Variants in SLAMF8 observed in about 807,000 individuals in gnomAD.
SLAMF8 encodes SLAM family member 8.
Under a neutral mutation model 29.0 loss-of-function variants are expected in SLAMF8, and 23 were observed. The ratio of observed to expected loss-of-function variants is 0.79; its 90% CI spans 0.57 to 1.13. The LOEUF (loss-of-function observed/expected upper bound fraction) is 1.13, where lower values mean the gene tolerates loss of function less well. SLAMF8 is among the 50% of genes most tolerant of loss of function. The pLI is 0.00. For synonymous variants in SLAMF8, 139 were observed against 145.6 expected (o/e 0.96, Z 0.32); for missense variants, 381 against 353.1 (o/e 1.08, Z -0.63).
At position 159,835,524 on chromosome 1, in the gene SLAMF8, T is replaced by C; in HGVS notation, c.*264T>C. 8.1e-7 allele frequency: 1 copy of C among 1,229,744 alleles called. No homozygotes were observed. Among genetic ancestry groups the C allele is most frequent in the Non-Finnish European group, 1.0e-6 (1 of 982,912 alleles). The allele number at this position is 1,229,744 out of a possible 1,614,324, so 76.2% of individuals were successfully genotyped here. Reference sequence around the variant, plus strand: ...AAGATGAGCCAAGCAGAACATTCCATCCAGGACACTGGAAGTTCTCCAGGA... The same window carrying C: ...AAGATGAGCCAAGCAGAACATTCCACCCAGGACACTGGAAGTTCTCCAGGA... On this transcript the variant is annotated 3_prime_UTR_variant, in exon 5 of 5. Coordinates refer to ENST00000289707, the MANE Select transcript of SLAMF8 (RefSeq NM_020125.3).
Position 159,836,861 on chromosome 1 carries a change from A to C in SLAMF8, c.*1601A>C. ...CACTTCTCTCCTATCACCTTCCCCC[A>C]AGATTACCTGAACAGGGTCCATGGC... is the stretch of plus-strand genomic sequence containing the variant. On this transcript the variant is annotated 3_prime_UTR_variant, in exon 5 of 5. Transcript: ENST00000289707. 1 of 985,388 alleles carries C rather than the reference A, an allele frequency of 1.0e-6. No individual in the cohort carries two copies. The allele number at this position is 985,388 out of a possible 1,614,324, so 61.0% of individuals were successfully genotyped here.
chr1:159,829,743 T>A, intron 1 of SLAMF8, 123 bp from the exon 2 acceptor site: 1 of 1,041,174 alleles, frequency 9.6e-7, no homozygotes. Context: ...CAGTGCAACC[T>A]CAACTTGAGT....
chr1:159,830,677 G>GA (rs567150943), intron 2 of SLAMF8, among the ~76,000 whole-genome samples: 2 of 151,124 alleles, frequency 1.3e-5, no homozygotes, highest in Non-Finnish European at 3.0e-5. Flanking sequence ...TAGTCTAAAG[G>GA]AAAAAAAATG....
intron 2 of SLAMF8, among the ~76,000 whole-genome samples, chr1:159,831,892 T>C (rs1465009670): frequency 5.9e-5 from 9 of 152,206 alleles, no homozygotes; most frequent in Non-Finnish European, 1.0e-4. Flanking sequence ...CCCCCTGTAA[T>C]CTTTGTTTAT....
intron 2 of SLAMF8, among the ~76,000 whole-genome samples, chr1:159,831,262 G>A (rs961109508): frequency 6.6e-5 from 10 of 152,150 alleles, no homozygotes; most frequent in African/African-American, 1.9e-4. Flanking sequence ...CTGGGAAGAG[G>A]GTAGCCATGA....
intron 2 of SLAMF8, among the ~76,000 whole-genome samples, chr1:159,832,389 CAT>C (rs1488856636): frequency 6.6e-6 from 1 of 152,184 alleles, no homozygotes; most frequent in African/African-American, 2.4e-5. Context: ...GACTGACTGA[CAT>C]ATTGTGAGAG....
Position 159,836,902 on chromosome 1 carries a change from C to T in SLAMF8, c.*1642C>T. The stretch of plus-strand genomic sequence containing the variant: ...GGTCCATGGCCACTCAACCTGTCAG[C>T]TTGCACCATCCCCACCTGCCACCTA... On this transcript the variant is annotated 3_prime_UTR_variant, in exon 5 of 5. Coordinates refer to ENST00000289707, the MANE Select transcript of SLAMF8 (RefSeq NM_020125.3). The T allele has an allele frequency of 2.0e-6, 2 of 985,572 alleles. No individual in the cohort carries two copies. The highest frequency in any genetic ancestry group is 2.4e-6 in the Non-Finnish European group (2 of 829,982). The allele number at this position is 985,572 out of a possible 1,614,324, so 61.1% of individuals were successfully genotyped here. A position where few individuals can be genotyped will look rare whatever the true frequency, so the allele number is the denominator to read the frequency against.
intron 2 of SLAMF8, among the ~76,000 whole-genome samples, chr1:159,830,969 C>T (rs919875987): frequency 3.3e-5 from 5 of 152,200 alleles, no homozygotes; most frequent in African/African-American, 1.2e-4. Context: ...CAGAGCCATT[C>T]GCGCAGCTAC....
chr1:159,830,239 C>A, intron 2 of SLAMF8, 47 bp downstream of exon 2: 1 of 1,514,770 alleles, frequency 6.6e-7, no homozygotes. Context: ...CCCCACAAAG[C>A]ACCAGACGAG....
At position 159,833,493 on chromosome 1, in the gene SLAMF8, C is replaced by G. The variant is rs1425700883; in HGVS notation, c.781+124C>G. 2.0e-5 allele frequency: 28 copies of G among 1,379,430 alleles called. No individual in the cohort carries two copies. In the Admixed American group the frequency reaches 4.0e-4, roughly 20 times the overall value. 85.4% of individuals were successfully genotyped at this position (1,379,430 alleles called of 1,614,324 possible). ...CCCCTTCCTACCTCTCCCACCTCATCTCTTGGCCTTCTCTAGCTCATATCT... is the reference window on the plus strand; with the variant it reads ...CCCCTTCCTACCTCTCCCACCTCATGTCTTGGCCTTCTCTAGCTCATATCT... On this transcript the variant is annotated intron_variant, in intron 4 of 4. Coordinates refer to ENST00000289707, the MANE Select transcript of SLAMF8 (RefSeq NM_020125.3).
In SLAMF8 at chr1:159,835,360, A is replaced by G. The variant is rs1647843599; in HGVS notation, c.*100A>G. 6.7e-7 allele frequency: 1 copy of G among 1,482,466 alleles called. No homozygotes were observed. The highest frequency in any genetic ancestry group is 8.9e-7 in the Non-Finnish European group (1 of 1,118,476). The allele number at this position is 1,482,466 out of a possible 1,614,324, so 91.8% of individuals were successfully genotyped here. A position where few individuals can be genotyped will look rare whatever the true frequency, so the allele number is the denominator to read the frequency against. ...GTGCCTGGAAATCACCATGGTCCTCATATCTCCCATGGGAATCCTGTCCTG... is the reference window on the plus strand; with the variant it reads ...GTGCCTGGAAATCACCATGGTCCTCGTATCTCCCATGGGAATCCTGTCCTG... On this transcript the variant is annotated 3_prime_UTR_variant, in exon 5 of 5. Transcript: ENST00000289707.
chr1:159,833,124 C>A lies in SLAMF8; in HGVS notation c.616C>A (p.Pro206Thr), dbSNP rs926582049. ...DVAYSCIVSN[P>T]VSWDLATVTP... The stretch of plus-strand genomic sequence containing the variant: ...GGCCTATTCCTGCATTGTCTCCAAC[C>A]CTGTCAGCTGGGACTTGGCCACAGT... Residue 206 changes from proline (P) to threonine (T), a missense_variant, in exon 3 of 5, where the codon CCT becomes ACT. By Grantham distance (38) the Pro-to-Thr change is conservative. Coordinates refer to ENST00000289707, the MANE Select transcript of SLAMF8 (RefSeq NM_020125.3). The A allele has an allele frequency of 1.2e-6, 2 of 1,614,198 alleles. No homozygotes were observed. Among genetic ancestry groups the A allele is most frequent in the Admixed American group, 1.7e-5 (1 of 60,028 alleles).
intron 1 of SLAMF8, 31 bp from the exon 2 acceptor site, chr1:159,829,835 G>C (rs766210682): frequency 6.4e-7 from 1 of 1,566,860 alleles, no homozygotes; most frequent in Non-Finnish European, 8.7e-7. Context: ...GTGTGGGGCA[G>C]GCAGAGTGAC....
intron 1 of SLAMF8, among the ~76,000 whole-genome samples, chr1:159,828,941 T>A (rs1269060820): frequency 1.3e-5 from 2 of 152,136 alleles, no homozygotes; most frequent in East Asian, 3.9e-4. Context: ...TGTCTGTTTC[T>A]CCTCCTGTTC....
chr1:159,832,772 C>T, intron 2 of SLAMF8, 104 bp from the exon 3 acceptor site: 5 of 1,294,940 alleles, frequency 3.9e-6, no homozygotes, highest in South Asian at 1.4e-5. Flanking sequence ...ACAAGAGAGG[C>T]CTAGCCAGAG....
In SLAMF8 at chr1:159,835,539, G is replaced by T; in HGVS notation, c.*279G>T. On this transcript the variant is annotated 3_prime_UTR_variant, in exon 5 of 5. Transcript: ENST00000289707. Reference sequence around the variant, plus strand: ...GAACATTCCATCCAGGACACTGGAAGTTCTCCAGGATCCAGATCCATGGGG... The same window carrying T: ...GAACATTCCATCCAGGACACTGGAATTTCTCCAGGATCCAGATCCATGGGG... 8.4e-7 allele frequency: 1 copy of T among 1,196,490 alleles called. No individual in the cohort carries two copies. The highest frequency in any genetic ancestry group is 1.0e-6 in the Non-Finnish European group (1 of 962,850). The allele number at this position is 1,196,490 out of a possible 1,614,324, so 74.1% of individuals were successfully genotyped here.
At chr1:159,834,015 G>A (rs1465512500) in intron 4 of SLAMF8, among the ~76,000 whole-genome samples, 1 of 152,164 alleles carries the variant, frequency 6.6e-6, no homozygotes, top group Non-Finnish European at 1.5e-5. Context: ...GTGGCTGATA[G>A]GGTTGCCTTC....
At chr1:159,832,125 A>G (rs996608055) in intron 2 of SLAMF8, among the ~76,000 whole-genome samples, 5 of 152,146 alleles carry the variant, frequency 3.3e-5, no homozygotes, top group African/African-American at 1.2e-4. Context: ...GGACACCAGG[A>G]TATCAGTTTG....
chr1:159,828,696 G>T (rs75123980), intron 1 of SLAMF8, among the ~76,000 whole-genome samples: 4,131 of 152,296 alleles, frequency 0.027, 82 homozygotes, highest in Non-Finnish European at 0.038. Context: ...AGAGGGATAA[G>T]GGTAGTCAGC....
Sources: allele counts gnomAD v4.1 joint callset (sites outside exome capture counted in the v4.1 genomes callset), GRCh38; gene constraint gnomAD v4.1.1; transcripts MANE v1.5; gene names NCBI Gene and HGNC (gene_info 2026-07-23, HGNC 2026-07-21).